TMEM217: variants seen among roughly 807,000 people sequenced by gnomAD.
TMEM217 encodes chromosome 6 open reading frame 128.
For missense variants in TMEM217, 204 were observed against 248.8 expected (o/e 0.82, Z 1.21); for synonymous variants, 76 against 88.3 (o/e 0.86, Z 0.78).
At chr6:37,226,540 G>A (rs1175580353) in intron 1 of TMEM217, among the ~76,000 whole-genome samples, 8 of 150,304 alleles carry the variant, frequency 5.3e-5, no homozygotes, top group Admixed American at 2.7e-4. Flanking sequence ...CTCGTGATCC[G>A]CCCGCCTCGG....
chr6:37,252,052 C>T (rs1414528593), intron 1 of TMEM217, among the ~76,000 whole-genome samples: 1 of 152,140 alleles, frequency 6.6e-6, no homozygotes, highest in Non-Finnish European at 1.5e-5. Context: ...CGCCACCATG[C>T]CCAGCTAATT....
chr6:37,227,533 A>C (rs901539255), intron 1 of TMEM217, among the ~76,000 whole-genome samples: 5 of 152,094 alleles, frequency 3.3e-5, no homozygotes, highest in Non-Finnish European at 5.9e-5. Flanking sequence ...TGCAACCTCC[A>C]TCTCCCAGAT....
intron 1 of TMEM217, among the ~76,000 whole-genome samples, chr6:37,224,623 A>AG (rs398084867): frequency 6.7e-6 from 1 of 149,786 alleles, no homozygotes; most frequent in African/African-American, 2.5e-5. Flanking sequence ...ACGAAAAAAA[A>AG]ACCTTTTATT....
At chr6:37,218,754 C>A (rs1763361238) in exon 2 of TMEM217, 1 of 1,613,958 alleles carries the variant, frequency 6.2e-7, no homozygotes, top group African/African-American at 1.3e-5. Flanking sequence ...ATGACCAGGC[C>A]CCTGAAGATC....
At chr6:37,235,593 C>G (rs1764457383) in intron 1 of TMEM217, among the ~76,000 whole-genome samples, 1 of 116,522 alleles carries the variant, frequency 8.6e-6, no homozygotes, top group South Asian at 3.5e-4. Flanking sequence ...GTCTCGATCT[C>G]CTGACCTTGT....
At chr6:37,257,149 GT>G (rs1765796006) in intron 1 of TMEM217, among the ~76,000 whole-genome samples, 1 of 152,204 alleles carries the variant, frequency 6.6e-6, no homozygotes, top group Non-Finnish European at 1.5e-5. Context: ...TGTTAGCATA[GT>G]CAGAAAGTGA....
chr6:37,222,242 T>C (rs1348979875), intron 1 of TMEM217, among the ~76,000 whole-genome samples: 1 of 152,210 alleles, frequency 6.6e-6, no homozygotes, highest in Non-Finnish European at 1.5e-5. Context: ...AGGCTCTCCC[T>C]GGCCTGAGGG....
At chr6:37,215,570 C>CAAAAAAAAAAAAAAAAAAAAA (rs34808595), downstream of TMEM217, among the ~76,000 whole-genome samples, 30 of 72,376 alleles carry the variant, frequency 4.1e-4, no homozygotes, top group African/African-American at 1.5e-3. Flanking sequence ...GACTCTGTCT[C>CAAAAAAAAAAAAAAAAAAAAA]AAAAAAAAAA....
Position 37,230,486 on chromosome 6 carries a change from G to A in TMEM217, c.-11-11445C>T, listed in dbSNP as rs184287960. On this transcript the variant is annotated intron_variant, in intron 1 of 1. Coordinates refer to ENST00000357219, the Ensembl canonical transcript of TMEM217. ...AGAGGGTCTTTAAAGAGGTAATTAAGTTAAAATTAGGTCATTAGTGTCAGA... is the reference window on the plus strand; with the variant it reads ...AGAGGGTCTTTAAAGAGGTAATTAAATTAAAATTAGGTCATTAGTGTCAGA... 6.3e-4 allele frequency among the ~76,000 whole-genome samples: 96 copies of A among 152,234 alleles called. No homozygotes were observed. In the Middle Eastern group the frequency reaches 0.01, roughly 16 times the overall value.
chr6:37,257,827 G>A, exon 1 of TMEM217: 3 of 1,444,512 alleles, frequency 2.1e-6, no homozygotes, highest in Non-Finnish European at 2.8e-6. Context: ...GCGGGGAAGC[G>A]GCCTGGGTTG....
chr6:37,248,507 T>G (rs1765223422), intron 1 of TMEM217, among the ~76,000 whole-genome samples: 1 of 152,220 alleles, frequency 6.6e-6, no homozygotes, highest in Non-Finnish European at 1.5e-5. Flanking sequence ...CAAAATCTGC[T>G]TCTAGTTACT....
intron 1 of TMEM217, among the ~76,000 whole-genome samples, chr6:37,256,649 A>G (rs917599568): frequency 4.6e-5 from 7 of 151,024 alleles, no homozygotes; most frequent in African/African-American, 1.2e-4. Flanking sequence ...GTTGGAGGAC[A>G]TATAAAAGAA....
chr6:37,233,003 A>G (rs1764286886), intron 1 of TMEM217, among the ~76,000 whole-genome samples: 1 of 152,066 alleles, frequency 6.6e-6, no homozygotes, highest in East Asian at 1.9e-4. Context: ...TGCCATCTAC[A>G]CTGAGAACAA....
intron 1 of TMEM217, among the ~76,000 whole-genome samples, chr6:37,226,949 T>G (rs1763876235): frequency 6.6e-6 from 1 of 152,250 alleles, no homozygotes; most frequent in Admixed American, 6.5e-5. Context: ...TGTCTTAAAT[T>G]GTTATTTAAA....
chr6:37,228,660 C>T (rs927033224), intron 1 of TMEM217, among the ~76,000 whole-genome samples: 1 of 147,938 alleles, frequency 6.8e-6, no homozygotes, highest in South Asian at 2.2e-4. Flanking sequence ...GCCGAGATCG[C>T]GCCACTGCAC....
intron 1 of TMEM217, among the ~76,000 whole-genome samples, chr6:37,231,932 G>A (rs1170231861): frequency 6.6e-6 from 1 of 151,652 alleles, no homozygotes; most frequent in African/African-American, 2.4e-5. Context: ...CAGAATCTCA[G>A]TCCCTAGCCC....
At chr6:37,212,580 C>G (rs1031896102) in exon 4 of TMEM217, 5 of 470,056 alleles carry the variant, frequency 1.1e-5, no homozygotes, top group Admixed American at 2.3e-5. Context: ...AGTGCAGGAG[C>G]ATGTGTGAGA....
downstream of TMEM217, chr6:37,215,416 G>T: frequency 8.7e-7 from 1 of 1,144,088 alleles, no homozygotes; most frequent in South Asian, 1.6e-5. Context: ...CTCTACTAAA[G>T]ATACAAAAAT....
At chr6:37,256,191 T>C (rs896215495) in intron 1 of TMEM217, among the ~76,000 whole-genome samples, 19 of 152,152 alleles carry the variant, frequency 1.2e-4, no homozygotes, top group African/African-American at 4.3e-4. Flanking sequence ...GCAGCTCACA[T>C]AGGGAAAGAC....
Sources: allele counts gnomAD v4.1 joint callset (sites outside exome capture counted in the v4.1 genomes callset), GRCh38; gene constraint gnomAD v4.1.1; transcripts MANE v1.5; gene names NCBI Gene and HGNC (gene_info 2026-07-23, HGNC 2026-07-21).